The following SYT6 variants were observed in gnomAD, a reference collection of about 807,000 sequenced individuals.
The protein encoded by SYT6 is synaptotagmin 6.
In SYT6, 24 loss-of-function variants were observed where a neutral mutation model predicts 38.4. That is an observed-to-expected ratio of 0.62 (90% CI 0.45 to 0.88). The LOEUF (loss-of-function observed/expected upper bound fraction) is 0.88, where lower values mean the gene tolerates loss of function less well. SYT6 is among the 40% of genes least tolerant of loss of function. SYT6 has a pLI of 0.00. For missense variants in SYT6, 611 were observed against 621.0 expected (o/e 0.98, Z 0.17); for synonymous variants, 265 against 241.9 (o/e 1.10, Z -0.89).
At chr1:114,144,676 A>T (rs1394066220) in intron 1 of SYT6, among the ~76,000 whole-genome samples, 1 of 152,154 alleles carries the variant, frequency 6.6e-6, no homozygotes, top group African/African-American at 2.4e-5. Flanking sequence ...AGTACTTGCC[A>T]TGTGCCAAGT....
intron 3 of SYT6, among the ~76,000 whole-genome samples, chr1:114,129,567 TC>T (rs774683408): frequency 1.3e-5 from 1 of 74,328 alleles, no homozygotes; most frequent in Non-Finnish European, 2.8e-5. Context: ...TTCTTTCTTT[TC>T]TTTCTTTCTT....
intron 3 of SYT6, among the ~76,000 whole-genome samples, chr1:114,108,809 G>A (rs1393968487): frequency 2.0e-5 from 3 of 152,200 alleles, no homozygotes; most frequent in Admixed American, 2.0e-4. Flanking sequence ...TGGGAATGCA[G>A]GCTAAGCAAA....
At chr1:114,145,358 C>A (rs1055244891) in intron 1 of SYT6, among the ~76,000 whole-genome samples, 1 of 152,166 alleles carries the variant, frequency 6.6e-6, no homozygotes, top group Non-Finnish European at 1.5e-5. Flanking sequence ...AACTGAGGCA[C>A]AGAAGGTTAA....
chr1:114,135,657 T>C (rs1315872362), intron 3 of SYT6, among the ~76,000 whole-genome samples: 1 of 151,866 alleles, frequency 6.6e-6, no homozygotes, highest in African/African-American at 2.4e-5. Context: ...AGGTGAGGAG[T>C]GTGCTTGGGC....
Position 114,091,934 on chromosome 1 carries a change from C to A in SYT6, c.*200G>T, listed in dbSNP as rs1557724326. ...GCCGCTGCTGCCGCCACTGCGACTG[C>A]ACAACACTGTTTAGACGGTTGAACA... On this transcript the variant is annotated 3_prime_UTR_variant, in exon 8 of 8. Coordinates refer to ENST00000610222, the MANE Select transcript of SYT6 (RefSeq NM_001253772.2). The A allele has an allele frequency of 6.8e-7, 1 of 1,470,836 alleles. No individual in the cohort carries two copies. Among genetic ancestry groups the A allele is most frequent in the Non-Finnish European group, 9.2e-7 (1 of 1,088,904 alleles). 91.1% of individuals were successfully genotyped at this position (1,470,836 alleles called of 1,614,324 possible). A position where few individuals can be genotyped will look rare whatever the true frequency, so the allele number is the denominator to read the frequency against.
intron 1 of SYT6, among the ~76,000 whole-genome samples, chr1:114,141,166 G>A (rs1678844831): frequency 6.6e-6 from 1 of 152,194 alleles, no homozygotes; most frequent in African/African-American, 2.4e-5. Flanking sequence ...TAGAAATAAT[G>A]AAGCTTAGTG....
chr1:114,122,387 G>A (rs1322426543), intron 3 of SYT6, among the ~76,000 whole-genome samples: 1 of 152,204 alleles, frequency 6.6e-6, no homozygotes, highest in Non-Finnish European at 1.5e-5. Flanking sequence ...GTCCTCCAGG[G>A]GGAGGAGGGT....
chr1:114,120,017 G>A (rs2101035412), intron 3 of SYT6, among the ~76,000 whole-genome samples: 1 of 150,192 alleles, frequency 6.7e-6, no homozygotes, highest in South Asian at 2.1e-4. Context: ...CTTGCAGTGA[G>A]CCGAGATCGC....
intron 4 of SYT6, among the ~76,000 whole-genome samples, chr1:114,101,150 G>A (rs1675946171): frequency 6.6e-6 from 1 of 152,130 alleles, no homozygotes; most frequent in Non-Finnish European, 1.5e-5. Context: ...ACCCTCCCGA[G>A]TAGCTGGGAT....
At position 114,133,604 on chromosome 1, in the gene SYT6, A is replaced by G. The variant is rs1008164914; in HGVS notation, c.1071+3891T>C. On this transcript the variant is annotated intron_variant, in intron 3 of 7. Coordinates refer to ENST00000610222, the MANE Select transcript of SYT6 (RefSeq NM_001253772.2). ...GCCCTTGGGCAAGCCAGGCAGAAGG[A>G]GAGATGGGGGAAACAGCAGGGCAGT... Among the ~76,000 whole-genome samples, 5 of 152,312 alleles carry G rather than the reference A, an allele frequency of 3.3e-5. 1 individual carries two copies. In the South Asian group the frequency reaches 1.0e-3, roughly 32 times the overall value.
intron 3 of SYT6, among the ~76,000 whole-genome samples, chr1:114,135,733 G>A (rs993938554): frequency 1.8e-4 from 28 of 152,186 alleles, no homozygotes; most frequent in African/African-American, 6.3e-4. Flanking sequence ...CAGATGGTGG[G>A]CTCTGGCAAG....
chr1:114,135,284 C>T (rs778756083), intron 3 of SYT6, among the ~76,000 whole-genome samples: 1 of 152,130 alleles, frequency 6.6e-6, no homozygotes, highest in Non-Finnish European at 1.5e-5. Context: ...ATCAAGGAGA[C>T]CTTCACCAGC....
In SYT6 at chr1:114,090,633, C is replaced by T. The variant is rs1675249522; in HGVS notation, c.*1501G>A. ...TCCACTGTTAAAAGAAGGGGTTCTT[C>T]AGCAGACTTGCCTCTTGCAAGTAGT... On this transcript the variant is annotated 3_prime_UTR_variant, in exon 8 of 8. Transcript: ENST00000610222. The T allele has an allele frequency of 6.6e-6, 1 of 152,350 alleles. No homozygotes were observed. Among genetic ancestry groups the T allele is most frequent in the Non-Finnish European group, 1.5e-5 (1 of 68,042 alleles). The allele number at this position is 152,350 out of a possible 1,614,324, so 9.4% of individuals were successfully genotyped here.
At chr1:114,123,777 A>G (rs1308833634) in intron 3 of SYT6, among the ~76,000 whole-genome samples, 2 of 152,218 alleles carry the variant, frequency 1.3e-5, no homozygotes, top group East Asian at 3.8e-4. Flanking sequence ...ACTAAGGGTG[A>G]GCAAAAGGAA....
At chr1:114,142,346 A>T (rs1357094310) in intron 1 of SYT6, among the ~76,000 whole-genome samples, 2 of 152,220 alleles carry the variant, frequency 1.3e-5, no homozygotes, top group African/African-American at 4.8e-5. Context: ...ATAACTGCAG[A>T]TGTGGTGGAA....
At chr1:114,112,613 T>C (rs144275401) in intron 3 of SYT6, among the ~76,000 whole-genome samples, 1 of 152,202 alleles carries the variant, frequency 6.6e-6, no homozygotes, top group Admixed American at 6.5e-5. Context: ...TTAGAAGAGA[T>C]GGCAGTAATG....
At chr1:114,106,665 C>G (rs1387169892) in intron 3 of SYT6, among the ~76,000 whole-genome samples, 4 of 152,044 alleles carry the variant, frequency 2.6e-5, no homozygotes, top group Non-Finnish European at 5.9e-5. Flanking sequence ...AAATGCCTCC[C>G]CTTCTCCTCT....
intron 1 of SYT6, among the ~76,000 whole-genome samples, chr1:114,148,723 G>A (rs1046045661): frequency 6.6e-6 from 1 of 152,038 alleles, no homozygotes; most frequent in African/African-American, 2.4e-5. Context: ...TGAGCATTAT[G>A]CCCTTTACAT....
intron 1 of SYT6, among the ~76,000 whole-genome samples, chr1:114,149,739 G>A (rs1195862582): frequency 6.6e-6 from 1 of 151,962 alleles, no homozygotes; most frequent in Non-Finnish European, 1.5e-5. Context: ...GGAGGTGGAG[G>A]GCAGACAGCC....
Sources: gnomAD v4.1 joint callset for allele counts (sites outside exome capture counted in the v4.1 genomes callset) on GRCh38, gnomAD v4.1.1 for gene constraint, MANE v1.5 for transcripts, NCBI Gene and HGNC (gene_info 2026-07-23, HGNC 2026-07-21) for gene names.